The following IFT80 variants were observed in gnomAD, a reference collection of about 807,000 sequenced individuals.
The protein encoded by IFT80 is intraflagellar transport protein 80 homolog.
In IFT80, 79 loss-of-function variants were observed where a neutral mutation model predicts 107.9. That is an observed-to-expected ratio of 0.73 (90% CI 0.61 to 0.88). IFT80 has a LOEUF of 0.88. Among genes scored for constraint, IFT80 ranks in the 40% least tolerant of loss-of-function variants. The pLI is 0.00. For missense variants in IFT80, 797 were observed against 914.2 expected (o/e 0.87, Z 1.65); for synonymous variants, 299 against 300.9 (o/e 0.99, Z 0.07).
At chr3:160,354,816 A>T (rs1720953477) in intron 8 of IFT80, among the ~76,000 whole-genome samples, 1 of 152,206 alleles carries the variant, frequency 6.6e-6, no homozygotes, top group Non-Finnish European at 1.5e-5. Context: ...GAACACACTT[A>T]GAGAGTTGTG....
intron 19 of IFT80, among the ~76,000 whole-genome samples, chr3:160,262,628 G>A (rs1420586504): frequency 1.3e-5 from 2 of 152,162 alleles, no homozygotes; most frequent in African/African-American, 4.8e-5. Context: ...CCCAGCCACG[G>A]AGTAAGGTTT....
chr3:160,260,149 A>G (rs1712699627), intron 19 of IFT80, among the ~76,000 whole-genome samples: 1 of 152,204 alleles, frequency 6.6e-6, no homozygotes. Context: ...ATTTAAAATA[A>G]CAATGCCATA....
intron 5 of IFT80, among the ~76,000 whole-genome samples, chr3:160,375,251 G>T (rs1409787053): frequency 6.6e-6 from 1 of 152,068 alleles, no homozygotes; most frequent in Non-Finnish European, 1.5e-5. Flanking sequence ...ACTTCCAATA[G>T]GAAGGACCAT....
chr3:160,398,500 T>C (rs901880438), intron 1 of IFT80, among the ~76,000 whole-genome samples: 1 of 152,208 alleles, frequency 6.6e-6, no homozygotes, highest in Non-Finnish European at 1.5e-5. Flanking sequence ...TTTAACAATA[T>C]AGGGAATTAG....
Position 160,344,582 on chromosome 3 carries a change from C to T in IFT80, c.777+11431G>A, listed in dbSNP as rs548299181. ...CAAGTACAGGCAACCAAAGCAAAAA[C>T]GGACAAATGGGATCACATCAAGTTA... On this transcript the variant is annotated intron_variant, in intron 8 of 19. Coordinates refer to ENST00000326448, the MANE Select transcript of IFT80 (RefSeq NM_020800.3). 5.9e-5 allele frequency among the ~76,000 whole-genome samples: 9 copies of T among 152,130 alleles called. No homozygotes were observed. In the South Asian group the frequency reaches 8.3e-4, roughly 14 times the overall value.
chr3:160,306,414 C>T (rs927033018), intron 10 of IFT80, among the ~76,000 whole-genome samples: 2 of 152,146 alleles, frequency 1.3e-5, no homozygotes, highest in East Asian at 3.8e-4. Context: ...GAAAAGATCT[C>T]TGTTTTCCCC....
chr3:160,277,028 C>A (rs994525790), intron 18 of IFT80, among the ~76,000 whole-genome samples: 12 of 152,278 alleles, frequency 7.9e-5, no homozygotes, highest in African/African-American at 2.6e-4. Context: ...TCTTCCCTAT[C>A]AAATCTGCAA....
intron 13 of IFT80, among the ~76,000 whole-genome samples, chr3:160,283,206 A>C (rs62272173): frequency 0.039 from 5,889 of 152,252 alleles, 169 homozygotes; most frequent in Middle Eastern, 0.078. Context: ...AGTATATCTA[A>C]ACTTGCAACT....
chr3:160,373,212 T>C (rs1711680685), intron 5 of IFT80, among the ~76,000 whole-genome samples: 1 of 152,080 alleles, frequency 6.6e-6, no homozygotes, highest in Admixed American at 6.5e-5. Flanking sequence ...CTGGCCAAAA[T>C]GTCCTGATTT....
At chr3:160,357,803 C>T (rs1051558160) in intron 6 of IFT80, among the ~76,000 whole-genome samples, 4 of 152,106 alleles carry the variant, frequency 2.6e-5, no homozygotes, top group African/African-American at 9.7e-5. Flanking sequence ...TAGCCTCAAA[C>T]CTTATGAATT....
Position 160,277,475 on chromosome 3 carries a change from C to T in IFT80, c.1930G>A (p.Asp644Asn). Residue 644 changes from aspartate to asparagine, a missense_variant, in exon 18 of 20, where the codon GAT (aspartate) becomes AAT (asparagine). Asp to Asn is a conservative substitution (Grantham distance 23). Transcript: ENST00000326448. ...EIAYAAIGEI[D>N]KVQYINSIKN... ...ATAGAATTGATGTACTGAACCTTAT[C>T]AATCTAAAAAAGAAAAGAAAAATAT... 1 of 1,603,306 alleles carries T rather than the reference C, an allele frequency of 6.2e-7. No homozygotes were observed. Among genetic ancestry groups the T allele is most frequent in the Non-Finnish European group, 8.5e-7 (1 of 1,171,320 alleles).
At chr3:160,329,003 G>T (rs1025548117) in intron 8 of IFT80, among the ~76,000 whole-genome samples, 1 of 152,058 alleles carries the variant, frequency 6.6e-6, no homozygotes, top group Non-Finnish European at 1.5e-5. Context: ...GAGGGTGGAG[G>T]GTGGGAGGGA....
intron 5 of IFT80, among the ~76,000 whole-genome samples, chr3:160,369,546 T>C (rs1722091539): frequency 6.6e-6 from 1 of 151,930 alleles, no homozygotes; most frequent in Admixed American, 6.6e-5. Context: ...TTATTAAAAG[T>C]GGAAGAATCA....
chr3:160,310,324 G>T (rs1366333820), intron 9 of IFT80, among the ~76,000 whole-genome samples: 1 of 152,132 alleles, frequency 6.6e-6, no homozygotes, highest in African/African-American at 2.4e-5. Context: ...AACCACGATG[G>T]GTTGAAACAC....
chr3:160,384,060 C>T (rs1712731610), intron 2 of IFT80: 2 of 362,048 alleles, frequency 5.5e-6, no homozygotes, highest in South Asian at 2.2e-4. Flanking sequence ...GCCTGGCCAA[C>T]ATGGTGAAAC....
At chr3:160,338,017 TCTC>T (rs1448063028) in intron 8 of IFT80, among the ~76,000 whole-genome samples, 2 of 152,180 alleles carry the variant, frequency 1.3e-5, no homozygotes, top group Non-Finnish European at 2.9e-5. Flanking sequence ...CTTTGGATCT[TCTC>T]TGCCTAAATT....
chr3:160,281,933 C>A, intron 14 of IFT80, among the ~76,000 whole-genome samples: 1 of 152,188 alleles, frequency 6.6e-6, no homozygotes, highest in East Asian at 1.9e-4. Context: ...TCTCAAGCTG[C>A]CTGCTTGCCC....
intron 8 of IFT80, among the ~76,000 whole-genome samples, chr3:160,344,498 A>C (rs759255729): frequency 9.9e-5 from 15 of 152,184 alleles, no homozygotes; most frequent in Non-Finnish European, 1.8e-4. Context: ...TACTAAAAGA[A>C]AGCATTGGGA....
At chr3:160,307,430 T>G (rs1472278752) in intron 10 of IFT80, among the ~76,000 whole-genome samples, 1 of 152,252 alleles carries the variant, frequency 6.6e-6, no homozygotes, top group African/African-American at 2.4e-5. Flanking sequence ...GTTACAAGCA[T>G]GAGCCATTGC....
Sources: gnomAD v4.1 joint callset for allele counts (sites outside exome capture counted in the v4.1 genomes callset) on GRCh38, gnomAD v4.1.1 for gene constraint, MANE v1.5 for transcripts, NCBI Gene and HGNC (gene_info 2026-07-23, HGNC 2026-07-21) for gene names.